OXR1: variants seen among roughly 807,000 people sequenced by gnomAD.
OXR1 encodes oxidation resistance 1, also known as oxidation resistance protein 1.
A neutral mutation model predicts 104.6 loss-of-function variants in OXR1; 41 were observed. That is an observed-to-expected ratio of 0.39 (90% CI 0.31 to 0.51). The LOEUF (loss-of-function observed/expected upper bound fraction) is 0.51, where lower values mean the gene tolerates loss of function less well. Among genes scored for constraint, OXR1 ranks in the 20% least tolerant of loss-of-function variants. The pLI is 0.77. For synonymous variants in OXR1, 348 were observed against 348.4 expected, an observed-to-expected ratio of 1.00 and a Z score of 0.01; for missense variants, 955 against 1,031.9, an observed-to-expected ratio of 0.93 and a Z score of 1.02.
chr8:106,455,238 G>A (rs1434386759), intron 2 of OXR1, among the ~76,000 whole-genome samples: 1 of 152,054 alleles, frequency 6.6e-6, no homozygotes, highest in Non-Finnish European at 1.5e-5. Flanking sequence ...GTTGGCCAAG[G>A]CCCATGTCTT....
chr8:106,314,501 T>C (rs1813844547), intron 1 of OXR1, among the ~76,000 whole-genome samples: 1 of 152,246 alleles, frequency 6.6e-6, no homozygotes, highest in African/African-American at 2.4e-5. Flanking sequence ...GTTAAATGTG[T>C]TGAGAATTTG....
At chr8:106,322,304 A>C (rs1814257973) in intron 1 of OXR1, among the ~76,000 whole-genome samples, 1 of 152,200 alleles carries the variant, frequency 6.6e-6, no homozygotes, top group Admixed American at 6.5e-5. Flanking sequence ...AAACCACATG[A>C]TTATCTCAAT....
At chr8:106,316,859 T>C (rs1339189932) in intron 1 of OXR1, among the ~76,000 whole-genome samples, 1 of 151,964 alleles carries the variant, frequency 6.6e-6, no homozygotes, top group African/African-American at 2.4e-5. Flanking sequence ...TATTTATTTA[T>C]TTACTTATTT....
At chr8:106,329,913 C>G (rs1264188165) in intron 1 of OXR1, among the ~76,000 whole-genome samples, 1 of 133,322 alleles carries the variant, frequency 7.5e-6, no homozygotes, top group African/African-American at 2.8e-5. Context: ...GAACTCAATT[C>G]AAAAAAAAAA....
At chr8:106,700,360 A>G (rs1227528047) in intron 7 of OXR1, among the ~76,000 whole-genome samples, 1 of 152,186 alleles carries the variant, frequency 6.6e-6, no homozygotes, top group Admixed American at 6.5e-5. Context: ...CATGAATTTT[A>G]TGTTGAAGAA....
chr8:106,635,953 G>T (rs191631952), intron 3 of OXR1, among the ~76,000 whole-genome samples: 14 of 152,272 alleles, frequency 9.2e-5, no homozygotes, highest in Middle Eastern at 3.4e-3. Flanking sequence ...TGATTCCATG[G>T]TAGATGTTAT....
At chr8:106,707,272 G>C (rs1831237315) in intron 9 of OXR1, 127 bp downstream of exon 9, 3 of 776,660 alleles carry the variant, frequency 3.9e-6, no homozygotes, top group Non-Finnish European at 6.7e-6. Flanking sequence ...CTTGACCGGT[G>C]ATTCTCTGGG....
At chr8:106,314,858 A>G (rs904255217) in intron 1 of OXR1, among the ~76,000 whole-genome samples, 1 of 152,204 alleles carries the variant, frequency 6.6e-6, no homozygotes, top group South Asian at 2.1e-4. Flanking sequence ...TTTAAAAATG[A>G]TGATGTATAT....
At chr8:106,448,119 T>C in intron 2 of OXR1, 1 of 1,460,926 alleles carries the variant, frequency 6.8e-7, no homozygotes. Context: ...CCTAGTTCCA[T>C]TATAAAATAG....
intron 3 of OXR1, among the ~76,000 whole-genome samples, chr8:106,577,385 T>A (rs1433230721): frequency 2.3e-5 from 3 of 128,130 alleles, no homozygotes; most frequent in Admixed American, 8.0e-5. Flanking sequence ...TAACTTTTTT[T>A]TTTTTTTTTT....
intron 2 of OXR1, among the ~76,000 whole-genome samples, chr8:106,432,745 C>A (rs1819413026): frequency 6.6e-6 from 1 of 152,024 alleles, no homozygotes. Context: ...TGTCTATTCC[C>A]TCGTTAGATT....
chr8:106,703,578 G>A (rs1830785518), intron 8 of OXR1, among the ~76,000 whole-genome samples: 2 of 151,918 alleles, frequency 1.3e-5, no homozygotes, highest in African/African-American at 4.8e-5. Flanking sequence ...ATAAAATACA[G>A]TGTAAAGTAC....
intron 3 of OXR1, among the ~76,000 whole-genome samples, chr8:106,526,760 G>A (rs180677469): frequency 4.5e-4 from 68 of 152,282 alleles, no homozygotes; most frequent in Admixed American, 1.6e-3. Flanking sequence ...AGCCAGGATG[G>A]TCTCTATCTC....
intron 3 of OXR1, chr8:106,657,826 G>C (rs866525979): frequency 1.6e-6 from 2 of 1,235,326 alleles, no homozygotes; most frequent in African/African-American, 1.6e-5. Context: ...TCCCCGGGCA[G>C]AGAGAGGGAC....
chr8:106,665,764 A>G (rs1021313247), intron 3 of OXR1, among the ~76,000 whole-genome samples: 1 of 152,226 alleles, frequency 6.6e-6, no homozygotes, highest in African/African-American at 2.4e-5. Flanking sequence ...ATACTAGTAC[A>G]AAAAGGAATG....
At chr8:106,316,724 C>CTAT (rs1813968789) in intron 1 of OXR1, among the ~76,000 whole-genome samples, 1 of 42,456 alleles carries the variant, frequency 2.4e-5, no homozygotes, top group Non-Finnish European at 4.9e-5. Context: ...TATCATCTAT[C>CTAT]TATCTATCTA....
chr8:106,541,033 A>G (rs747071147), intron 3 of OXR1, among the ~76,000 whole-genome samples: 7 of 152,186 alleles, frequency 4.6e-5, no homozygotes, highest in Non-Finnish European at 8.8e-5. Context: ...CTTACCATGT[A>G]CTATGTGATG....
intron 3 of OXR1, among the ~76,000 whole-genome samples, chr8:106,660,740 C>T (rs950382110): frequency 9.2e-5 from 14 of 152,138 alleles, no homozygotes; most frequent in African/African-American, 2.9e-4. Context: ...CAGCCAGTTG[C>T]GGTGGCTCAC....
chr8:106,726,215 T>C, intron 11 of OXR1: 1 of 1,514,492 alleles, frequency 6.6e-7, no homozygotes, highest in Non-Finnish European at 8.8e-7. Context: ...TACGTGATTT[T>C]ATGTAACTTA....
Sources: allele counts gnomAD v4.1 joint callset (sites outside exome capture counted in the v4.1 genomes callset), GRCh38; gene constraint gnomAD v4.1.1; transcripts MANE v1.5; gene names NCBI Gene and HGNC (gene_info 2026-07-23, HGNC 2026-07-21).